Variants in BPTF observed in about 807,000 individuals in gnomAD.
BPTF encodes the protein bromodomain PHD finger transcription factor.
In BPTF, 18 loss-of-function variants were observed where a neutral mutation model predicts 292.5. That is an observed-to-expected ratio of 0.06 (90% confidence interval 0.04 to 0.09). The LOEUF is 0.09. Ranked by LOEUF, BPTF falls within the 10% of genes least tolerant of loss-of-function variation. The pLI is 1.00. For synonymous variants in BPTF, 1,225 were observed against 1,251.9 expected (o/e 0.98, Z 0.45); for missense variants, 2,726 against 3,498.7 (o/e 0.78, Z 5.57).
At position 67,945,162 on chromosome 17, in the gene BPTF, C is replaced by T. The variant is rs148557840; in HGVS notation, c.6701-247C>T. 1.2e-4 allele frequency among the ~76,000 whole-genome samples: 18 copies of T among 152,184 alleles called. 1 individual carries two copies. The East Asian group carries it at 3.5e-3, about 29-fold the overall frequency. On this transcript the variant is annotated intron_variant, in intron 20 of 27. Coordinates refer to ENST00000306378, the MANE Select transcript of BPTF (RefSeq NM_182641.4). Reference sequence around the variant, plus strand: ...GCAATCCTCCCACCTCAGCCTCCCACGTAGCTTGGACCATAGCCATGCTCC... The same window carrying T: ...GCAATCCTCCCACCTCAGCCTCCCATGTAGCTTGGACCATAGCCATGCTCC...
chr17:67,952,726 TTTACA>T (rs754938218), intron 23 of BPTF, among the ~76,000 whole-genome samples: 72 of 152,278 alleles, frequency 4.7e-4, no homozygotes, highest in Middle Eastern at 3.4e-3. Flanking sequence ...AAGTCCATAG[TTTACA>T]TTAAGGTTCA....
At position 67,940,334 on chromosome 17, in the gene BPTF, T is replaced by C; in HGVS notation, c.6260-105T>C. Reference sequence around the variant, plus strand: ...TTAGGCTCTGAATATCCCAGTGTTTTTTTGAAGATGGAAAAGAATACGTTC... The same window carrying C: ...TTAGGCTCTGAATATCCCAGTGTTTCTTTGAAGATGGAAAAGAATACGTTC... On this transcript the variant is annotated intron_variant, in intron 18 of 27. Transcript: ENST00000306378. 1.5e-5 allele frequency: 16 copies of C among 1,060,832 alleles called. No homozygotes were observed. The South Asian group carries it at 2.0e-4, about 13-fold the overall frequency. 65.7% of individuals were successfully genotyped at this position (1,060,832 alleles called of 1,614,324 possible). A position where few individuals can be genotyped will look rare whatever the true frequency, so the allele number is the denominator to read the frequency against.
chr17:67,976,048 G>A (rs1219595060), intron 27 of BPTF, 90 bp downstream of exon 27: 8 of 1,020,346 alleles, frequency 7.8e-6, no homozygotes, highest in South Asian at 5.0e-5. Flanking sequence ...TGCAGTTTAT[G>A]GTAAATTTAA....
At chr17:67,832,123 T>C (rs167532) in intron 1 of BPTF, among the ~76,000 whole-genome samples, 3 of 152,062 alleles carry the variant, frequency 2.0e-5, no homozygotes, top group African/African-American at 7.2e-5. Flanking sequence ...CTCCTGACCT[T>C]GTGATCCGCC....
intron 4 of BPTF, among the ~76,000 whole-genome samples, chr17:67,883,116 C>T (rs2060531544): frequency 1.3e-5 from 2 of 152,008 alleles, no homozygotes; most frequent in African/African-American, 4.8e-5. Context: ...AGTTCGAGAC[C>T]AGCCTGGCCA....
At chr17:67,895,931 A>G (rs1048124506) in intron 7 of BPTF, among the ~76,000 whole-genome samples, 4 of 151,534 alleles carry the variant, frequency 2.6e-5, no homozygotes, top group Non-Finnish European at 5.9e-5. Flanking sequence ...ATAATGGTGA[A>G]ATTTGGAAAC....
rs114875037 is a variant in BPTF, at chr17:67,828,999, A to T, written c.613+2662A>T. Among the ~76,000 whole-genome samples the T allele has an allele frequency of 1.6e-3, 249 of 152,368 alleles. 2 individuals are homozygous for T. Among genetic ancestry groups the T allele is most frequent in the African/African-American group, 5.7e-3 (238 of 41,590 alleles). On this transcript the variant is annotated intron_variant, in intron 1 of 27. Coordinates refer to ENST00000306378, the MANE Select transcript of BPTF (RefSeq NM_182641.4). ...TGGTTGGATAAATTATTGTTAGTAG[A>T]TAAGAACTTGTAATAGATGAAGTTT...
At chr17:67,901,169 C>T (rs2061810322) in intron 7 of BPTF, among the ~76,000 whole-genome samples, 1 of 151,688 alleles carries the variant, frequency 6.6e-6, no homozygotes, top group East Asian at 1.9e-4. Flanking sequence ...AGATAAAATA[C>T]AGAATCCAAA....
intron 1 of BPTF, among the ~76,000 whole-genome samples, chr17:67,850,541 G>T (rs983449076): frequency 2.0e-5 from 3 of 152,034 alleles, no homozygotes; most frequent in Non-Finnish European, 4.4e-5. Context: ...GCTAATTTTT[G>T]TATTTTTCTT....
At chr17:67,942,397 A>G (rs1032515581) in intron 19 of BPTF, among the ~76,000 whole-genome samples, 1 of 152,218 alleles carries the variant, frequency 6.6e-6, no homozygotes, top group African/African-American at 2.4e-5. Context: ...AAACTGCTGA[A>G]CTTTATTAAT....
intron 23 of BPTF, 82 bp downstream of exon 23, chr17:67,948,388 C>A: frequency 1.6e-6 from 2 of 1,263,944 alleles, no homozygotes; most frequent in Non-Finnish European, 2.2e-6. Context: ...TTTAATAAAG[C>A]TTAAAATTTC....
intron 11 of BPTF, among the ~76,000 whole-genome samples, chr17:67,917,131 C>CTTTTTTTTTGTTTTTTTTTTT: frequency 9.5e-6 from 1 of 105,794 alleles, no homozygotes; most frequent in South Asian, 3.0e-4. Flanking sequence ...TGGTATTGTC[C>CTTTTTTTTTGTTTTTTTTTTT]TTTTTTTTTT....
At chr17:67,883,001 TAAAAAAAAAA>T (rs886889170) in intron 4 of BPTF, among the ~76,000 whole-genome samples, 33 of 94,678 alleles carry the variant, frequency 3.5e-4, no homozygotes, top group African/African-American at 1.2e-3. Context: ...AGACGTTGTC[TAAAAAAAAAA>T]AAAAAAAAAG....
At chr17:67,969,342 C>T (rs1404577612) in intron 26 of BPTF, among the ~76,000 whole-genome samples, 2 of 146,956 alleles carry the variant, frequency 1.4e-5, no homozygotes, top group Non-Finnish European at 3.0e-5. Context: ...TACCCAGCTA[C>T]TAAGGAGGCT....
intron 23 of BPTF, among the ~76,000 whole-genome samples, chr17:67,949,367 G>C (rs1359039221): frequency 6.6e-6 from 1 of 151,726 alleles, no homozygotes; most frequent in East Asian, 2.0e-4. Flanking sequence ...ACGAGGTCAG[G>C]AGTTCGAGAC....
At chr17:67,981,567 T>C in intron 27 of BPTF, 1 of 1,072,730 alleles carries the variant, frequency 9.3e-7, no homozygotes, top group Non-Finnish European at 1.1e-6. Flanking sequence ...TTAATATAAT[T>C]TTTTAATGTT....
At chr17:67,829,213 G>T (rs2056417286) in intron 1 of BPTF, among the ~76,000 whole-genome samples, 1 of 146,242 alleles carries the variant, frequency 6.8e-6, no homozygotes. Context: ...GAGTTACTTT[G>T]TTTTTGAGTT....
At chr17:67,858,967 T>TA (rs2058903942) in intron 2 of BPTF, among the ~76,000 whole-genome samples, 2 of 152,182 alleles carry the variant, frequency 1.3e-5, no homozygotes, top group African/African-American at 4.8e-5. Flanking sequence ...GTATAGGTCT[T>TA]AGTTTCAGAG....
chr17:67,973,768 A>T (rs1408460190), intron 26 of BPTF, among the ~76,000 whole-genome samples: 3 of 151,948 alleles, frequency 2.0e-5, no homozygotes, highest in Non-Finnish European at 4.4e-5. Context: ...CGGCCTCCCA[A>T]ACTGCTAGGA....
Sources: gnomAD v4.1 joint callset for allele counts (sites outside exome capture counted in the v4.1 genomes callset) on GRCh38, gnomAD v4.1.1 for gene constraint, MANE v1.5 for transcripts, NCBI Gene and HGNC (gene_info 2026-07-23, HGNC 2026-07-21) for gene names.